Variants in ATP7B observed in about 807,000 individuals in gnomAD.
The protein encoded by ATP7B is ATPase copper transporting beta.
A neutral mutation model predicts 118.9 loss-of-function variants in ATP7B; 113 were observed. The ratio of observed to expected loss-of-function variants is 0.95; its 90% CI spans 0.82 to 1.11. The LOEUF is 1.11. Ranked by LOEUF, ATP7B falls within the 50% of genes most tolerant of loss-of-function variation. The pLI, the probability that ATP7B is intolerant of heterozygous loss-of-function variation, is 0.00. For missense variants in ATP7B, 1,867 were observed against 1,871.4 expected, an observed-to-expected ratio of 1.00 and a Z score of 0.04; for synonymous variants, 777 against 727.4, an observed-to-expected ratio of 1.07 and a Z score of -1.10.
Position 51,961,836 on chromosome 13 carries a change from C to T in ATP7B, c.1946+1G>A. 2 of 1,613,314 alleles carry T rather than the reference C, an allele frequency of 1.2e-6. No homozygotes were observed. The highest frequency in any genetic ancestry group is 1.7e-6 in the Non-Finnish European group (2 of 1,179,296). ...GAGTTTATCTTTTGTGTTCTACCTA[C>T]TGCTTTATTTCCATCTTGTGGTCCA... On this transcript the variant is annotated splice_donor_variant, in intron 6 of 20. Coordinates refer to ENST00000242839, the MANE Select transcript of ATP7B (RefSeq NM_000053.4). LOFTEE classifies it high-confidence loss of function.
At chr13:51,984,230 T>C (rs1440471644) in intron 1 of ATP7B, among the ~76,000 whole-genome samples, 1 of 152,044 alleles carries the variant, frequency 6.6e-6, no homozygotes, top group African/African-American at 2.4e-5. Flanking sequence ...AATGACCTGA[T>C]GGAGCTGAAA....
At position 51,974,222 on chromosome 13, in the gene ATP7B, C is replaced by T. The variant is rs768052773; in HGVS notation, c.998G>A (p.Gly333Glu). 1.9e-6 allele frequency: 3 copies of T among 1,614,058 alleles called. No individual in the cohort carries two copies. The Admixed American group carries it at 5.0e-5, about 27-fold the overall frequency. Residue 333 changes from glycine (G) to glutamate (E), a missense_variant, in exon 2 of 21, where the codon GGG becomes GAG. By Grantham distance (98) the Gly-to-Glu change is moderately conservative (BLOSUM62 -2). Transcript: ENST00000242839. ...FKVSLPDGAE[G>E]SGTDHRSSSS... ...GGAAGACCTGTGATCTGTCCCACTCCCTTCGGCTCCATCAGGAAGAGAAAC... is the reference window on the plus strand; with the variant it reads ...GGAAGACCTGTGATCTGTCCCACTCTCTTCGGCTCCATCAGGAAGAGAAAC...
intron 2 of ATP7B, among the ~76,000 whole-genome samples, chr13:51,971,214 C>T (rs1951826349): frequency 6.6e-6 from 1 of 152,116 alleles, no homozygotes; most frequent in African/African-American, 2.4e-5. Context: ...TTAAAGTTGC[C>T]AGGTAAAATA....
intron 1 of ATP7B, among the ~76,000 whole-genome samples, chr13:51,995,004 A>G (rs1036178893): frequency 9.2e-5 from 14 of 152,374 alleles, no homozygotes; most frequent in Admixed American, 6.5e-4. Context: ...TTAACAAAAT[A>G]AGGTATACAC....
intron 1 of ATP7B, among the ~76,000 whole-genome samples, chr13:52,001,139 C>A: frequency 6.6e-6 from 1 of 152,344 alleles, no homozygotes; most frequent in East Asian, 1.9e-4. Context: ...CATCCAGCAT[C>A]TAATGACTTC....
intron 1 of ATP7B, among the ~76,000 whole-genome samples, chr13:51,982,349 C>T (rs552237521): frequency 3.9e-5 from 6 of 152,216 alleles, no homozygotes; most frequent in African/African-American, 1.4e-4. Flanking sequence ...CCAGCATTAT[C>T]TGAGCAAATC....
At chr13:51,997,987 G>C (rs971695339) in intron 1 of ATP7B, among the ~76,000 whole-genome samples, 1 of 152,120 alleles carries the variant, frequency 6.6e-6, no homozygotes, top group Non-Finnish European at 1.5e-5. Context: ...CACCTTCCTA[G>C]GCTACAGTAT....
In ATP7B at chr13:51,939,642, A is replaced by G. The variant is rs116033499; in HGVS notation, c.3557-449T>C. Among the ~76,000 whole-genome samples the G allele has an allele frequency of 6.6e-3, 835 of 127,378 alleles. 8 individuals are homozygous for G. The highest frequency in any genetic ancestry group is 0.023 in the African/African-American group (798 of 35,288). The allele number at this position is 127,378 out of a possible 152,430, so 83.6% of individuals were successfully genotyped here. A position where few individuals can be genotyped will look rare whatever the true frequency, so the allele number is the denominator to read the frequency against. ...TTCCTGCAGAAAACATTTCGGCAGA[A>G]TTTCTCTTTGAGTGAATCTTAGCTA... On this transcript the variant is annotated intron_variant, in intron 16 of 20. Coordinates refer to ENST00000242839, the MANE Select transcript of ATP7B (RefSeq NM_000053.4).
Position 51,949,751 on chromosome 13 carries a change from G to C in ATP7B, c.2776C>G (p.Pro926Ala), listed in dbSNP as rs935311556. 1 of 1,614,004 alleles carries C rather than the reference G, an allele frequency of 6.2e-7. No individual in the cohort carries two copies. The highest frequency in any genetic ancestry group is 8.5e-7 in the Non-Finnish European group (1 of 1,180,018). Residue 926 changes from proline to alanine, a missense_variant, in exon 12 of 21, where the codon CCA (proline) becomes GCA (alanine). Pro to Ala is a conservative substitution (Grantham distance 27). Transcript: ENST00000242839. ...AAAGTTGACATGATGATGATAAATG[G>C]GACAAAATATCCACTAAACCGGTCA... ...LADRFSGYFV[P>A]FIIIMSTLTL...
chr13:51,974,725 G>A lies in ATP7B; in HGVS notation c.495C>T (p.Val165=), dbSNP rs1374536208. ...QSCVSSIEGK[V]RKLQGVVRVK... is the part of the protein sequence containing the mutation. ...CTCTCACTACTCCTTGCAGTTTCCG[G>A]ACCTTGCCTTCAATGGAGCTGACAC... Residue 165 remains valine (V), a synonymous_variant, in exon 2 of 21, where the codon GTC becomes GTT. Coordinates refer to ENST00000242839, the MANE Select transcript of ATP7B (RefSeq NM_000053.4). 1.9e-6 allele frequency: 3 copies of A among 1,613,952 alleles called. No individual in the cohort carries two copies. Among genetic ancestry groups the A allele is most frequent in the Admixed American group, 1.7e-5 (1 of 60,018 alleles).
intron 3 of ATP7B, among the ~76,000 whole-genome samples, 154 bp from the exon 4 acceptor site, chr13:51,968,761 T>C (rs1951694881): frequency 6.6e-6 from 1 of 152,160 alleles, no homozygotes. Context: ...CACATGAGGC[T>C]TGCTTGGAAA....
At chr13:52,004,014 T>C (rs1471595713) in intron 1 of ATP7B, among the ~76,000 whole-genome samples, 1 of 151,966 alleles carries the variant, frequency 6.6e-6, no homozygotes, top group Non-Finnish European at 1.5e-5. Context: ...ATCCAGCACT[T>C]TGGGAGGCCG....
intron 1 of ATP7B, among the ~76,000 whole-genome samples, chr13:52,011,019 A>G (rs1225180387): frequency 1.3e-5 from 2 of 152,262 alleles, no homozygotes; most frequent in African/African-American, 4.8e-5. Context: ...CAGCAACTCG[A>G]CGCTCACTTT....
intron 9 of ATP7B, among the ~76,000 whole-genome samples, chr13:51,951,745 C>T (rs145119720): frequency 1.0e-3 from 154 of 152,198 alleles, no homozygotes; most frequent in African/African-American, 3.5e-3. Context: ...AAACGCTGCA[C>T]AAGTAGTTCC....
rs778825095 is a variant in ATP7B, at chr13:51,942,526, C to T, written c.3272G>A (p.Cys1091Tyr). ...GCCTGGCACTGCCTGGAAGTCCGTGCAGTATCCCAAGGTCTCTGTTCCAAG... is the reference window on the plus strand; with the variant it reads ...GCCTGGCACTGCCTGGAAGTCCGTGTAGTATCCCAAGGTCTCTGTTCCAAG... ...EELGTETLGY[C>Y]TDFQAVPGCG... is the part of the protein sequence containing the mutation. Residue 1091 changes from cysteine (C) to tyrosine (Y), a missense_variant, in exon 15 of 21, where the codon TGC becomes TAC. By Grantham distance (194) the Cys-to-Tyr change is radical. Transcript: ENST00000242839. 6.2e-7 allele frequency: 1 copy of T among 1,614,146 alleles called. No homozygotes were observed. Among genetic ancestry groups the T allele is most frequent in the Admixed American group, 1.7e-5 (1 of 60,024 alleles).
intron 13 of ATP7B, 107 bp downstream of exon 13, chr13:51,946,173 GTAAT>G: frequency 1.4e-6 from 2 of 1,397,722 alleles, no homozygotes; most frequent in Non-Finnish European, 1.9e-6. Flanking sequence ...CCTATTCTAT[GTAAT>G]TAACACTGCT....
At chr13:51,983,226 G>A (rs4941721) in intron 1 of ATP7B, among the ~76,000 whole-genome samples, 2,941 of 152,216 alleles carry the variant, frequency 0.019, 82 homozygotes, top group Admixed American at 0.083. Context: ...AAGCTTGGTC[G>A]GGGGAGGGGC....
Position 51,937,126 on chromosome 13 carries a change from A to C in ATP7B, c.4021+150T>G, listed in dbSNP as rs1300231072. The C allele has an allele frequency of 4.3e-6, 3 of 699,982 alleles. No homozygotes were observed. In the African/African-American group the frequency reaches 5.7e-5, roughly 13 times the overall value. 43.4% of individuals were successfully genotyped at this position (699,982 alleles called of 1,614,324 possible). ...ACAGTTTCTCATTTAAAGACATATA[A>C]AGCAGGGGACATGAAAAAAAAAAAA... On this transcript the variant is annotated intron_variant, in intron 19 of 20. Transcript: ENST00000242839.
chr13:51,943,102 C>A (rs1251555791), intron 14 of ATP7B, among the ~76,000 whole-genome samples: 1 of 152,142 alleles, frequency 6.6e-6, no homozygotes, highest in Non-Finnish European at 1.5e-5. Flanking sequence ...CGTCCTCCCC[C>A]AGGCTGTGAG....
Sources: allele counts gnomAD v4.1 joint callset (sites outside exome capture counted in the v4.1 genomes callset), GRCh38; gene constraint gnomAD v4.1.1; transcripts MANE v1.5; gene names NCBI Gene and HGNC (gene_info 2026-07-23, HGNC 2026-07-21).